NOVA1: variants seen among roughly 807,000 people sequenced by gnomAD.
The protein encoded by NOVA1 is NOVA alternative splicing regulator 1, also known as RNA-binding protein Nova-1.
NOVA1 carries 7 observed loss-of-function variants against 38.0 expected under a neutral mutation model. That is an observed-to-expected ratio of 0.18 (90% CI 0.10 to 0.35). The LOEUF is 0.35. Among genes scored for constraint, NOVA1 ranks in the 10% least tolerant of loss-of-function variants. The pLI is 1.00. For missense variants in NOVA1, 460 were observed against 616.0 expected (o/e 0.75, Z 2.68); for synonymous variants, 270 against 232.5 (o/e 1.16, Z -1.47).
chr14:26,589,489 A>C (rs1893715788), intron 2 of NOVA1, among the ~76,000 whole-genome samples: 1 of 151,840 alleles, frequency 6.6e-6, no homozygotes, highest in African/African-American at 2.4e-5. Context: ...AATATTTTTA[A>C]TATGCTACAC....
At position 26,572,048 on chromosome 14, in the gene NOVA1, A is replaced by G. The variant is rs186328551; in HGVS notation, c.280+23362T>C. Reference sequence around the variant, plus strand: ...GCTTTAAATTAGATATGAGATTCATATATCATATTACCCTGTACTAAAGGT... The same window carrying G: ...GCTTTAAATTAGATATGAGATTCATGTATCATATTACCCTGTACTAAAGGT... On this transcript the variant is annotated intron_variant, in intron 2 of 4. Coordinates refer to ENST00000539517, the MANE Select transcript of NOVA1 (RefSeq NM_002515.3). Among the ~76,000 whole-genome samples, 4 of 152,328 alleles carry G rather than the reference A, an allele frequency of 2.6e-5. No homozygotes were observed. The East Asian group carries it at 5.8e-4, about 22-fold the overall frequency.
At chr14:26,506,480 T>C (rs867600933) in intron 2 of NOVA1, among the ~76,000 whole-genome samples, 14 of 152,360 alleles carry the variant, frequency 9.2e-5, no homozygotes, top group African/African-American at 3.4e-4. Flanking sequence ...AGTAAAATCA[T>C]AGTCTTCTTC....
chr14:26,574,016 G>C (rs903169427), intron 2 of NOVA1, among the ~76,000 whole-genome samples: 3 of 144,506 alleles, frequency 2.1e-5, no homozygotes, highest in Admixed American at 1.4e-4. Flanking sequence ...AGAAAGCAAA[G>C]ATTACACTTT....
intron 2 of NOVA1, among the ~76,000 whole-genome samples, chr14:26,511,561 G>T (rs545897687): frequency 1.3e-5 from 2 of 151,944 alleles, no homozygotes; most frequent in East Asian, 3.9e-4. Context: ...AGGTCATCCT[G>T]GCCAACATGG....
At chr14:26,571,402 T>C (rs1427430596) in intron 2 of NOVA1, among the ~76,000 whole-genome samples, 3 of 152,162 alleles carry the variant, frequency 2.0e-5, no homozygotes, top group African/African-American at 7.2e-5. Flanking sequence ...AATACTTAGA[T>C]ATCAGACTTA....
chr14:26,540,531 A>G (rs1178839987), intron 2 of NOVA1, among the ~76,000 whole-genome samples: 1 of 152,264 alleles, frequency 6.6e-6, no homozygotes. Flanking sequence ...AAGACAACTC[A>G]GTTCATCTAA....
At chr14:26,499,199 T>A (rs1373925093) in intron 2 of NOVA1, among the ~76,000 whole-genome samples, 2 of 152,164 alleles carry the variant, frequency 1.3e-5, no homozygotes, top group Non-Finnish European at 2.9e-5. Flanking sequence ...AATGAGTAAC[T>A]ATGAGAAATG....
At chr14:26,552,724 T>A (rs1484817651) in intron 2 of NOVA1, among the ~76,000 whole-genome samples, 1 of 152,142 alleles carries the variant, frequency 6.6e-6, no homozygotes, top group African/African-American at 2.4e-5. Flanking sequence ...ATATACAATT[T>A]AAGGTATGAA....
chr14:26,503,455 T>A (rs972665722), intron 2 of NOVA1, among the ~76,000 whole-genome samples: 2 of 151,980 alleles, frequency 1.3e-5, no homozygotes, highest in African/African-American at 4.8e-5. Flanking sequence ...CAAACTTCCA[T>A]CAAATATCAC....
At chr14:26,481,572 A>C (rs1885451343) in intron 2 of NOVA1, among the ~76,000 whole-genome samples, 1 of 152,160 alleles carries the variant, frequency 6.6e-6, no homozygotes, top group South Asian at 2.1e-4. Context: ...ATGAAAATTC[A>C]GATCTATAAA....
intron 2 of NOVA1, among the ~76,000 whole-genome samples, chr14:26,485,900 A>G (rs2138326108): frequency 6.6e-6 from 1 of 152,290 alleles, no homozygotes; most frequent in East Asian, 1.9e-4. Flanking sequence ...GTAGTAGAAA[A>G]TTTATTAACA....
At chr14:26,557,521 C>T (rs1273634438) in intron 2 of NOVA1, among the ~76,000 whole-genome samples, 1 of 145,014 alleles carries the variant, frequency 6.9e-6, no homozygotes, top group Non-Finnish European at 1.5e-5. Context: ...GCTACCATGA[C>T]TGGCTAATTT....
At chr14:26,558,803 C>G (rs755637479) in intron 2 of NOVA1, among the ~76,000 whole-genome samples, 1 of 151,864 alleles carries the variant, frequency 6.6e-6, no homozygotes, top group East Asian at 1.9e-4. Flanking sequence ...AATATTGATA[C>G]ATAAGGTTAT....
chr14:26,455,342 G>C (rs1208429876), intron 4 of NOVA1, among the ~76,000 whole-genome samples: 1 of 152,074 alleles, frequency 6.6e-6, no homozygotes, highest in Non-Finnish European at 1.5e-5. Context: ...AAAGCATAGT[G>C]TAGTATAATA....
In NOVA1 at chr14:26,480,116, T is replaced by C; in HGVS notation, c.308A>G (p.Gln103Arg). The C allele has an allele frequency of 1.2e-6, 2 of 1,613,982 alleles. No homozygotes were observed. Among genetic ancestry groups the C allele is most frequent in the Admixed American group, 1.7e-5 (1 of 59,974 alleles). Residue 103 changes from glutamine (Q) to arginine (R), a missense_variant, in exon 3 of 5, where the codon CAG becomes CGG. By Grantham distance (43) the Gln-to-Arg change is conservative (BLOSUM62 1). Transcript: ENST00000539517. ...PGTTERVCLI[Q>R]GTVEALNAVH... is the part of the protein sequence containing the mutation. ...TGCATTCAGTGCTTCAACCGTTCCCTGGATCAAGCACACTCGCTCAGTAGT... is the reference window on the plus strand; with the variant it reads ...TGCATTCAGTGCTTCAACCGTTCCCCGGATCAAGCACACTCGCTCAGTAGT...
chr14:26,475,990 G>A (rs1646866071), intron 3 of NOVA1, among the ~76,000 whole-genome samples: 1 of 152,122 alleles, frequency 6.6e-6, no homozygotes, highest in Non-Finnish European at 1.5e-5. Flanking sequence ...AATCTCAATT[G>A]TAATTCAAAA....
At chr14:26,567,278 G>A (rs929523330) in intron 2 of NOVA1, among the ~76,000 whole-genome samples, 21 of 144,868 alleles carry the variant, frequency 1.4e-4, no homozygotes, top group African/African-American at 4.8e-4. Context: ...TAACATTTAA[G>A]TGTCTTGTTT....
chr14:26,552,309 G>A (rs74717015), intron 2 of NOVA1, among the ~76,000 whole-genome samples: 4,608 of 152,108 alleles, frequency 0.03, 102 homozygotes, highest in Non-Finnish European at 0.046. Context: ...GACCAATTAT[G>A]TTAAGGAATT....
At chr14:26,452,280 T>G (rs1402733870) in intron 4 of NOVA1, among the ~76,000 whole-genome samples, 1 of 152,124 alleles carries the variant, frequency 6.6e-6, no homozygotes, top group East Asian at 1.9e-4. Flanking sequence ...ACAGACTCTC[T>G]GAAAAGAAGT....
Sources: gnomAD v4.1 joint callset for allele counts (sites outside exome capture counted in the v4.1 genomes callset) on GRCh38, gnomAD v4.1.1 for gene constraint, MANE v1.5 for transcripts, NCBI Gene and HGNC (gene_info 2026-07-23, HGNC 2026-07-21) for gene names.